LRRC69: variants seen among roughly 807,000 people sequenced by gnomAD.
LRRC69 encodes leucine rich repeat containing 69, also known as leucine-rich repeat-containing protein 69.
A neutral mutation model predicts 37.8 loss-of-function variants in LRRC69; 42 were observed. The ratio of observed to expected loss-of-function variants is 1.11; its 90% confidence interval spans 0.87 to 1.44. The LOEUF (loss-of-function observed/expected upper bound fraction) is 1.44. LRRC69 is among the 40% of genes most tolerant of loss of function. The probability of loss-of-function intolerance (pLI) is 0.00; values close to 1 mark genes in which losing one functional copy is unlikely to be tolerated. For synonymous variants in LRRC69, 141 were observed against 143.1 expected, an observed-to-expected ratio of 0.99 and a Z score of 0.11; for missense variants, 357 against 401.9, an observed-to-expected ratio of 0.89 and a Z score of 0.96.
chr8:91,180,976 A>G (rs892811752), intron 5 of LRRC69, among the ~76,000 whole-genome samples: 2 of 151,342 alleles, frequency 1.3e-5, no homozygotes, highest in African/African-American at 4.9e-5. Flanking sequence ...TCTAGGAAAA[A>G]ATCTCTGGAA....
At chr8:91,158,052 T>A in intron 5 of LRRC69, 1 of 1,361,992 alleles carries the variant, frequency 7.3e-7, no homozygotes. Flanking sequence ...TTTAAAAACA[T>A]GACCACAAGG....
At chr8:91,111,803 G>A (rs1405174829) in intron 1 of LRRC69, among the ~76,000 whole-genome samples, 4 of 151,714 alleles carry the variant, frequency 2.6e-5, no homozygotes, top group African/African-American at 4.8e-5. Flanking sequence ...CCTGGGTGAC[G>A]AAATAGTCTG....
At chr8:91,213,219 T>C (rs1809967952) in intron 7 of LRRC69, among the ~76,000 whole-genome samples, 1 of 152,114 alleles carries the variant, frequency 6.6e-6, no homozygotes, top group South Asian at 2.1e-4. Flanking sequence ...GGCTGGAACA[T>C]GATGGGATTT....
At chr8:91,132,733 T>G (rs1322119801) in intron 3 of LRRC69, among the ~76,000 whole-genome samples, 1 of 152,014 alleles carries the variant, frequency 6.6e-6, no homozygotes, top group Non-Finnish European at 1.5e-5. Flanking sequence ...TGTCTATGTA[T>G]GCTTATGCCT....
intron 1 of LRRC69, among the ~76,000 whole-genome samples, chr8:91,114,253 T>C (rs1214009121): frequency 6.6e-6 from 1 of 151,914 alleles, no homozygotes; most frequent in Admixed American, 6.6e-5. Context: ...AGTATGAAGA[T>C]TCCTCAAAAA....
At chr8:91,197,442 C>T (rs1281295687) in intron 6 of LRRC69, among the ~76,000 whole-genome samples, 2 of 152,100 alleles carry the variant, frequency 1.3e-5, no homozygotes, top group Non-Finnish European at 1.5e-5. Flanking sequence ...CTCCCCCAGC[C>T]TCGCTGCCGC....
chr8:91,196,091 C>T (rs1196114245), intron 6 of LRRC69, among the ~76,000 whole-genome samples: 2 of 151,940 alleles, frequency 1.3e-5, no homozygotes, highest in Admixed American at 6.6e-5. Flanking sequence ...TTTTATTTCT[C>T]CTTCACTTAT....
At chr8:91,149,438 G>C (rs113739289) in intron 5 of LRRC69, among the ~76,000 whole-genome samples, 3 of 151,746 alleles carry the variant, frequency 2.0e-5, no homozygotes, top group Non-Finnish European at 2.9e-5. Flanking sequence ...TGTTCCATTG[G>C]TCTATATCTC....
At chr8:91,122,925 C>T (rs949830641) in intron 1 of LRRC69, among the ~76,000 whole-genome samples, 7 of 152,038 alleles carry the variant, frequency 4.6e-5, no homozygotes, top group African/African-American at 1.7e-4. Flanking sequence ...GGATAGTCAG[C>T]TAACCTGGAG....
At chr8:91,194,766 C>G (rs934479545) in intron 6 of LRRC69, among the ~76,000 whole-genome samples, 8 of 152,016 alleles carry the variant, frequency 5.3e-5, no homozygotes, top group Non-Finnish European at 1.0e-4. Flanking sequence ...AGTGGTCTAT[C>G]TATTTTGTTG....
At chr8:91,147,131 G>A (rs1340107835) in intron 5 of LRRC69, among the ~76,000 whole-genome samples, 1 of 151,134 alleles carries the variant, frequency 6.6e-6, no homozygotes, top group Non-Finnish European at 1.5e-5. Context: ...CAATATGCCT[G>A]TTAAAATGTT....
chr8:91,157,595 A>T (rs1320579611), intron 5 of LRRC69: 2 of 1,548,970 alleles, frequency 1.3e-6, no homozygotes, highest in East Asian at 2.2e-5. Flanking sequence ...ACTGCACCTG[A>T]TCAGGTGGAT....
At chr8:91,213,395 G>A (rs1051960796) in intron 7 of LRRC69, among the ~76,000 whole-genome samples, 3 of 152,114 alleles carry the variant, frequency 2.0e-5, no homozygotes, top group Non-Finnish European at 4.4e-5. Context: ...CCAATGTATG[G>A]TTACCCTTGC....
At position 91,146,321 on chromosome 8, in the gene LRRC69, A is replaced by T. The variant is rs972446144; in HGVS notation, c.651+10582A>T. 3.4e-4 allele frequency among the ~76,000 whole-genome samples: 52 copies of T among 151,982 alleles called. No individual in the cohort carries two copies. In the Middle Eastern group the frequency reaches 0.01, roughly 30 times the overall value. On this transcript the variant is annotated intron_variant, in intron 5 of 7. Transcript: ENST00000448384. ...TTCACCTCTCATCTCTCTTGTTGAG[A>T]GGCCAGAAGGACAGGATCATAAAGT...
chr8:91,119,025 C>T (rs1215886418), intron 1 of LRRC69, among the ~76,000 whole-genome samples: 2 of 152,022 alleles, frequency 1.3e-5, no homozygotes, highest in African/African-American at 4.8e-5. Context: ...ACTACTAACA[C>T]ACTATTCATT....
intron 7 of LRRC69, among the ~76,000 whole-genome samples, chr8:91,207,097 G>C (rs553174372): frequency 5.9e-5 from 9 of 152,246 alleles, no homozygotes; most frequent in Admixed American, 3.3e-4. Context: ...CCAGGGCTGG[G>C]AATACAGAAC....
chr8:91,109,210 G>A (rs773282799), intron 1 of LRRC69, among the ~76,000 whole-genome samples: 7 of 151,978 alleles, frequency 4.6e-5, no homozygotes, highest in Non-Finnish European at 7.3e-5. Flanking sequence ...CATATATTAA[G>A]GTCTCTTGAA....
intron 4 of LRRC69, among the ~76,000 whole-genome samples, chr8:91,134,749 A>C (rs904596957): frequency 1.3e-5 from 2 of 152,068 alleles, no homozygotes; most frequent in Non-Finnish European, 1.5e-5. Context: ...ATTTGTTCCA[A>C]ATAACTCAGA....
intron 2 of LRRC69, among the ~76,000 whole-genome samples, chr8:91,125,075 G>A (rs1307183599): frequency 6.6e-6 from 1 of 151,648 alleles, no homozygotes; most frequent in East Asian, 1.9e-4. Context: ...GATCCAATAA[G>A]CATTTTTTTC....
Sources: gnomAD v4.1 joint callset for allele counts (sites outside exome capture counted in the v4.1 genomes callset) on GRCh38, gnomAD v4.1.1 for gene constraint, MANE v1.5 for transcripts, NCBI Gene and HGNC (gene_info 2026-07-23, HGNC 2026-07-21) for gene names.